The following TRRAP variants were observed in gnomAD, a reference collection of about 807,000 sequenced individuals.
TRRAP encodes the protein transformation/transcription domain-associated protein.
A neutral mutation model predicts 438.8 loss-of-function variants in TRRAP; 41 were observed. The observed-to-expected ratio is 0.09, with a 90% confidence interval of 0.07 to 0.12. The LOEUF (loss-of-function observed/expected upper bound fraction) is 0.12. Ranked by LOEUF, TRRAP falls within the 10% of genes least tolerant of loss-of-function variation. TRRAP has a pLI of 1.00. For missense variants in TRRAP, 3,122 were observed against 5,055.1 expected (o/e 0.62, Z 11.60); for synonymous variants, 1,994 against 1,962.9 (o/e 1.02, Z -0.42).
chr7:98,899,563 G>A lies in TRRAP; in HGVS notation c.711+64G>A, dbSNP rs145784009. 327 of 1,605,220 alleles carry A rather than the reference G, an allele frequency of 2.0e-4. 2 individuals carry two copies. The East Asian group carries it at 7.0e-3, about 34-fold the overall frequency. ...TCTTATAAGAAAATTGGCATCTGGG[G>A]CCAAAAGATGTGTATAATACACACA... On this transcript the variant is annotated intron_variant, in intron 9 of 72. Transcript: ENST00000456197.
At position 98,920,730 on chromosome 7, in the gene TRRAP, T is replaced by C. The variant is rs544064897; in HGVS notation, c.2623-1023T>C. ...GAAGTGTATGAGACAATTTATGTCATGTTTGTAAGTTATAAAGCCTAATAA... is the reference window on the plus strand; with the variant it reads ...GAAGTGTATGAGACAATTTATGTCACGTTTGTAAGTTATAAAGCCTAATAA... On this transcript the variant is annotated intron_variant, in intron 20 of 72. Coordinates refer to ENST00000456197, the MANE Select transcript of TRRAP (RefSeq NM_001375524.1). Among the ~76,000 whole-genome samples the C allele has an allele frequency of 7.9e-5, 12 of 152,356 alleles. No individual in the cohort carries two copies. The South Asian group carries it at 2.3e-3, about 29-fold the overall frequency.
rs530349674 is a variant in TRRAP at position 98,948,441 on chromosome 7, G to A, written c.4668+101G>A. 115 of 1,609,224 alleles carry A rather than the reference G, an allele frequency of 7.1e-5. No individual in the cohort carries two copies. The highest frequency in any genetic ancestry group is 9.2e-5 in the Non-Finnish European group (108 of 1,177,656). On this transcript the variant is annotated intron_variant, in intron 34 of 72. Coordinates refer to ENST00000456197, the MANE Select transcript of TRRAP (RefSeq NM_001375524.1). This position sits in a 1 kb window ranked among gnomAD's most constrained non-coding sequence, Gnocchi z 4.9. ...TCAATGGACGGAACAGCATAAAGAC[G>A]TTCGATGTCAACATTTGCTTGTGGG... is the stretch of plus-strand genomic sequence containing the variant.
rs1396644232 is a variant in TRRAP at position 98,895,752 on chromosome 7, T to C, written c.451-12T>C. The C allele has an allele frequency of 6.3e-7, 1 of 1,596,780 alleles. No individual in the cohort carries two copies. On this transcript the variant is annotated splice_polypyrimidine_tract_variant and intron_variant, in intron 6 of 72. Coordinates refer to ENST00000456197, the MANE Select transcript of TRRAP (RefSeq NM_001375524.1). ...AATATCTTCCTATAACGAAAGTGTC[T>C]GCTTTTTTTAGATTCATCATTTTCT...
intron 8 of TRRAP, 33 bp downstream of exon 8, chr7:98,897,899 G>T: frequency 6.2e-7 from 1 of 1,611,256 alleles, no homozygotes. Context: ...TCTACCCGTG[G>T]CTCCTGTAGT....
At chr7:98,993,848 T>G in intron 66 of TRRAP, 111 bp downstream of exon 66, 1 of 1,119,900 alleles carries the variant, frequency 8.9e-7, no homozygotes, top group South Asian at 1.5e-5. Flanking sequence ...CTTTTATATA[T>G]TTGTTGTTGA....
Position 98,935,683 on chromosome 7 carries a change from A to T in TRRAP, c.4111+8A>T, listed in dbSNP as rs1015675400. The T allele has an allele frequency of 3.8e-6, 6 of 1,579,636 alleles. No homozygotes were observed. Among genetic ancestry groups the T allele is most frequent in the Non-Finnish European group, 4.3e-6 (5 of 1,153,730 alleles). ...TACGAATTGCGGCATTAAGTAAGTT[A>T]ATGAAAATCTACGGGGTATAAAAGT... On this transcript the variant is annotated splice_region_variant and intron_variant, in intron 28 of 72. Transcript: ENST00000456197.
At chr7:98,894,138 A>G (rs192697457) in intron 6 of TRRAP, among the ~76,000 whole-genome samples, 90 of 152,338 alleles carry the variant, frequency 5.9e-4, no homozygotes, top group Admixed American at 3.4e-3. Context: ...TCTGGTATTT[A>G]TGCGTATGAT....
At chr7:98,949,897 C>T in intron 37 of TRRAP, 56 bp downstream of exon 37, 2 of 1,582,922 alleles carry the variant, frequency 1.3e-6, no homozygotes, top group East Asian at 2.2e-5. Context: ...AAAAGCTCAG[C>T]CAGAGCCTCC....
chr7:98,915,292 A>G (rs1393789495), intron 18 of TRRAP, among the ~76,000 whole-genome samples: 2 of 152,160 alleles, frequency 1.3e-5, no homozygotes, highest in Middle Eastern at 6.8e-3. Flanking sequence ...TCCTGGGCTC[A>G]AGCAATTCTC....
intron 26 of TRRAP, among the ~76,000 whole-genome samples, chr7:98,931,885 CTTTA>C (rs1554413016): frequency 2.0e-5 from 3 of 151,854 alleles, no homozygotes; most frequent in Non-Finnish European, 4.4e-5. Context: ...ATTCTGTGTA[CTTTA>C]TTTATTGATT....
At chr7:98,962,932 C>T (rs1029818531) in intron 47 of TRRAP, among the ~76,000 whole-genome samples, 3 of 152,136 alleles carry the variant, frequency 2.0e-5, no homozygotes, top group African/African-American at 4.8e-5. Flanking sequence ...TAGATGTGCC[C>T]TCAGTTTTGT....
intron 58 of TRRAP, 60 bp from the exon 59 acceptor site, chr7:98,981,709 C>T: frequency 1.3e-6 from 2 of 1,504,018 alleles, no homozygotes; most frequent in Non-Finnish European, 1.8e-6. Context: ...TCCTGTTTGA[C>T]ACTTTACACT....
At chr7:99,002,462 A>G (rs549821558) in intron 67 of TRRAP, among the ~76,000 whole-genome samples, 1 of 152,312 alleles carries the variant, frequency 6.6e-6, no homozygotes, top group Admixed American at 6.5e-5. Context: ...GTGAATCTCT[A>G]GGAATTTCAG....
At chr7:98,963,095 A>G (rs1242328635) in intron 47 of TRRAP, among the ~76,000 whole-genome samples, 1 of 152,232 alleles carries the variant, frequency 6.6e-6, no homozygotes, top group African/African-American at 2.4e-5. Context: ...AATAGCAATC[A>G]GTCCCAGTAT....
chr7:99,008,113 T>C lies in TRRAP; in HGVS notation c.10754-264T>C, dbSNP rs140643893. Among the ~76,000 whole-genome samples the C allele has an allele frequency of 1.8e-3, 277 of 152,344 alleles. 6 individuals are homozygous for C. In the East Asian group the frequency reaches 0.037, roughly 20 times the overall value. ...TGCTGTGATTACAGGCGTGAGCCAC[T>C]GTGTCCGGCCAAGATGTCTTTTTAA... is the stretch of plus-strand genomic sequence containing the variant. On this transcript the variant is annotated intron_variant, in intron 69 of 72. Transcript: ENST00000456197.
intron 30 of TRRAP, among the ~76,000 whole-genome samples, chr7:98,938,953 G>A (rs995429170): frequency 2.0e-5 from 3 of 152,174 alleles, no homozygotes; most frequent in African/African-American, 7.2e-5. Flanking sequence ...AACATTGGAA[G>A]TCCTTTGGGT....
intron 2 of TRRAP, chr7:98,881,583 AAAAAG>A: frequency 3.8e-6 from 1 of 266,188 alleles, no homozygotes; most frequent in Non-Finnish European, 7.0e-6. Flanking sequence ...AAAAAAAAAA[AAAAAG>A]AGAAATGCAT....
At position 98,945,943 on chromosome 7, in the gene TRRAP, G is replaced by T; in HGVS notation, c.4541G>T (p.Gly1514Val). The change falls in exon 33 of 73, where the codon GGG (glycine) becomes GTG (valine). Residue 1514 changes from glycine to valine, a missense_variant. Gly to Val is a moderately radical substitution (Grantham distance 109). Coordinates refer to ENST00000456197, the MANE Select transcript of TRRAP (RefSeq NM_001375524.1). ...GTTTTGGTTCAGCCTGCCATGGAAG[G>T]GGTAGAGGTGAGAACTTGAGCGGAG... The part of the protein sequence containing the change: ...PFCQFEPAME[G>V]VEEMKICSAI... The T allele has an allele frequency of 6.8e-7, 1 of 1,481,454 alleles. No homozygotes were observed. The allele number at this position is 1,481,454 out of a possible 1,614,324, so 91.8% of individuals were successfully genotyped here.
rs1168810309 is a variant in TRRAP at position 99,004,215 on chromosome 7, C to T, written c.10335C>T (p.Ser3445=). 6.2e-7 allele frequency: 1 copy of T among 1,612,450 alleles called. No individual in the cohort carries two copies. The highest frequency in any genetic ancestry group is 8.5e-7 in the Non-Finnish European group (1 of 1,179,758). Residue 3445 remains serine, a synonymous_variant, in exon 68 of 73, where the codon TCC becomes TCT. Transcript: ENST00000456197. ...ATTTTGACTTCAGCGTTCCAGGATC[C>T]ATGAAGCTTCATAATCTTATTTCTA... The part of the protein sequence containing the change: ...TTDFDFSVPG[S]MKLHNLISKL...
Sources: allele counts gnomAD v4.1 joint callset (sites outside exome capture counted in the v4.1 genomes callset), GRCh38; gene constraint gnomAD v4.1.1; non-coding constraint Gnocchi (gnomAD v3.1); transcripts MANE v1.5; gene names NCBI Gene and HGNC (gene_info 2026-07-23, HGNC 2026-07-21).